The following OR1D2 variants were observed in gnomAD, a reference collection of about 807,000 sequenced individuals.
The protein encoded by OR1D2 is olfactory receptor family 1 subfamily D member 2.
For missense variants in OR1D2, 357 were observed against 376.1 expected (o/e 0.95, Z 0.42); for synonymous variants, 157 against 153.9 (o/e 1.02, Z -0.15).
chr17:3,093,248 G>A (rs115069030), intron 1 of OR1D2, among the ~76,000 whole-genome samples: 2,243 of 152,248 alleles, frequency 0.015, 55 homozygotes, highest in African/African-American at 0.051. Flanking sequence ...TTTCAATCCT[G>A]TCATCTTACA....
intron 1 of OR1D2, among the ~76,000 whole-genome samples, chr17:3,097,789 GA>G (rs527942473): frequency 1.4e-4 from 22 of 152,308 alleles, no homozygotes; most frequent in Admixed American, 1.4e-3. Context: ...CTGGGTGGGG[GA>G]AGGGCGGCAG....
intron 1 of OR1D2, 39 bp from the exon 2 acceptor site, chr17:3,093,085 A>T (rs1302564443): frequency 2.0e-5 from 25 of 1,222,448 alleles, no homozygotes; most frequent in Non-Finnish European, 2.9e-5. Flanking sequence ...CAAAATCAAC[A>T]TTTTCTTAGA....
At chr17:3,093,769 G>T (rs1424838479) in intron 1 of OR1D2, among the ~76,000 whole-genome samples, 1 of 152,148 alleles carries the variant, frequency 6.6e-6, no homozygotes, top group African/African-American at 2.4e-5. Flanking sequence ...ATGTTAACAA[G>T]AATCAGGCGA....
At chr17:3,102,853 C>G (rs1017708570) in intron 1 of OR1D2, among the ~76,000 whole-genome samples, 1 of 152,168 alleles carries the variant, frequency 6.6e-6, no homozygotes, top group Non-Finnish European at 1.5e-5. Context: ...CCACCCCTTT[C>G]TAGTAGGGAA....
At chr17:3,093,611 G>C (rs1483510344) in intron 1 of OR1D2, among the ~76,000 whole-genome samples, 1 of 152,138 alleles carries the variant, frequency 6.6e-6, no homozygotes, top group African/African-American at 2.4e-5. Context: ...GGAAAATTAA[G>C]TAGTAAAGTG....
rs956268199 is a variant in OR1D2 at position 3,091,243 on chromosome 17, C to G, written c.*815G>C. On this transcript the variant is annotated 3_prime_UTR_variant, in exon 2 of 2. Coordinates refer to ENST00000641833, the MANE Select transcript of OR1D2 (RefSeq NM_002548.3). ...CGATTCCACCATCTTGTTGACATCA[C>G]TCCTTTCACCCGTTTTGAAATATCT... is the stretch of plus-strand genomic sequence containing the variant. 4 of 152,174 alleles carry G rather than the reference C, an allele frequency of 2.6e-5. No individual in the cohort carries two copies. The highest frequency in any genetic ancestry group is 9.7e-5 in the African/African-American group (4 of 41,434). The allele number at this position is 152,174 out of a possible 1,614,324, so 9.4% of individuals were successfully genotyped here.
rs2151706731 is a variant in OR1D2 at position 3,092,417 on chromosome 17, T to C, written c.580A>G (p.Ile194Val). 1 of 1,614,186 alleles carries C rather than the reference T, an allele frequency of 6.2e-7. No individual in the cohort carries two copies. Among genetic ancestry groups the C allele is most frequent in the Non-Finnish European group, 8.5e-7 (1 of 1,180,028 alleles). Reference sequence around the variant, plus strand: ...GTGGCAATCAGCACTGTGTGATTAATCTGAATGTTGGAACATGCCATCCTC... The same window carrying C: ...GTGGCAATCAGCACTGTGTGATTAACCTGAATGTTGGAACATGCCATCCTC... ...LLRMACSNIQ[I>V]NHTVLIATGC... The change falls in exon 2 of 2, where the codon ATT (isoleucine) becomes GTT (valine). Residue 194 changes from isoleucine (I) to valine (V), a missense_variant. Coordinates refer to ENST00000641833, the MANE Select transcript of OR1D2 (RefSeq NM_002548.3).
chr17:3,100,402 G>A (rs1395381831), intron 1 of OR1D2, among the ~76,000 whole-genome samples: 1 of 152,148 alleles, frequency 6.6e-6, no homozygotes, highest in African/African-American at 2.4e-5. Context: ...CATGGAAATT[G>A]AACAACCTAC....
Position 3,089,771 on chromosome 17 carries a change from G to T in OR1D2, c.*2287C>A, listed in dbSNP as rs886439282. 2 of 152,286 alleles carry T rather than the reference G, an allele frequency of 1.3e-5. No individual in the cohort carries two copies. The highest frequency in any genetic ancestry group is 4.8e-5 in the African/African-American group (2 of 41,450). 9.4% of individuals were successfully genotyped at this position (152,286 alleles called of 1,614,324 possible). ...AGGCCAATGAAGTTATGTTCCCATG[G>T]GGATTATGGCTGCCTCTGCTGTGTC... is the stretch of plus-strand genomic sequence containing the variant. On this transcript the variant is annotated 3_prime_UTR_variant, in exon 2 of 2. Coordinates refer to ENST00000641833, the MANE Select transcript of OR1D2 (RefSeq NM_002548.3).
chr17:3,099,134 A>AC (rs199988333), intron 1 of OR1D2, among the ~76,000 whole-genome samples: 14,297 of 152,190 alleles, frequency 0.094, 930 homozygotes, highest in Admixed American at 0.17. Flanking sequence ...AACTTCCCCA[A>AC]CTAGCAAGAC....
At chr17:3,101,343 C>T (rs2047874127) in intron 1 of OR1D2, among the ~76,000 whole-genome samples, 1 of 152,198 alleles carries the variant, frequency 6.6e-6, no homozygotes, top group Admixed American at 6.5e-5. Flanking sequence ...TTGGCTTCAT[C>T]CCTGGGATGC....
chr17:3,090,047 A>G lies in OR1D2; in HGVS notation c.*2011T>C. ...CTGCTGTGAATAGCCATTTTTAGAAAAATAAGTTTTCTGCCTCCTTTTCTT... is the reference window on the plus strand; with the variant it reads ...CTGCTGTGAATAGCCATTTTTAGAAGAATAAGTTTTCTGCCTCCTTTTCTT... On this transcript the variant is annotated 3_prime_UTR_variant, in exon 2 of 2. Coordinates refer to ENST00000641833, the MANE Select transcript of OR1D2 (RefSeq NM_002548.3). 6.6e-6 allele frequency: 1 copy of G among 152,176 alleles called. No homozygotes were observed. The highest frequency in any genetic ancestry group is 1.9e-4 in the East Asian group (1 of 5,200). 9.4% of individuals were successfully genotyped at this position (152,176 alleles called of 1,614,324 possible). A position where few individuals can be genotyped will look rare whatever the true frequency, so the allele number is the denominator to read the frequency against.
In OR1D2 at chr17:3,091,783, G is replaced by A; in HGVS notation, c.*275C>T. On this transcript the variant is annotated 3_prime_UTR_variant, in exon 2 of 2. Coordinates refer to ENST00000641833, the MANE Select transcript of OR1D2 (RefSeq NM_002548.3). ...GTTTAAACTGGATATAGTCAGATAA[G>A]GCCAAGAATGTGGCCCTGTAGTCAA... is the stretch of plus-strand genomic sequence containing the variant. The A allele has an allele frequency of 5.9e-6, 2 of 341,658 alleles. No individual in the cohort carries two copies. The highest frequency in any genetic ancestry group is 1.1e-5 in the Non-Finnish European group (2 of 186,186). The allele number at this position is 341,658 out of a possible 1,614,324, so 21.2% of individuals were successfully genotyped here. A position where few individuals can be genotyped will look rare whatever the true frequency, so the allele number is the denominator to read the frequency against.
rs1167813189 is a variant in OR1D2 at position 3,088,860 on chromosome 17, G to C, written c.*3198C>G. ...CTTTGGAGGCAGAAATTGGGCATAA[G>C]ACAATATGAGGGGTGGTCTCCACCC... On this transcript the variant is annotated 3_prime_UTR_variant, in exon 2 of 2. Transcript: ENST00000641833. The C allele has an allele frequency of 1.3e-5, 2 of 151,386 alleles. No homozygotes were observed. The allele number at this position is 151,386 out of a possible 1,614,324, so 9.4% of individuals were successfully genotyped here.
intron 1 of OR1D2, among the ~76,000 whole-genome samples, chr17:3,093,784 T>G (rs183983823): frequency 3.9e-4 from 60 of 152,274 alleles, no homozygotes; most frequent in Middle Eastern, 6.8e-3. Flanking sequence ...AGGCGAAACC[T>G]TCAAATTCTC....
At position 3,091,971 on chromosome 17, in the gene OR1D2, A is replaced by C; in HGVS notation, c.*87T>G. The C allele has an allele frequency of 1.0e-6, 1 of 970,050 alleles. No individual in the cohort carries two copies. The highest frequency in any genetic ancestry group is 1.6e-6 in the Non-Finnish European group (1 of 636,632). The allele number at this position is 970,050 out of a possible 1,614,324, so 60.1% of individuals were successfully genotyped here. On this transcript the variant is annotated 3_prime_UTR_variant, in exon 2 of 2. Transcript: ENST00000641833. ...TCTGAGCTGGAGCCATGTCCCAATC[A>C]CTGCTGTATAACACACAGGACAATC...
intron 1 of OR1D2, among the ~76,000 whole-genome samples, chr17:3,095,231 A>G (rs1318048581): frequency 6.6e-6 from 1 of 152,144 alleles, no homozygotes; most frequent in Non-Finnish European, 1.5e-5. Context: ...GCTGAAAGGC[A>G]GAGACAAGGA....
In OR1D2 at chr17:3,090,310, G is replaced by A. The variant is rs1244848234; in HGVS notation, c.*1748C>T. ...TCCAGAATTACTGTTTCTTTTTTGT[G>A]GTTTCTGTTTGTTGAAATTTACATT... On this transcript the variant is annotated 3_prime_UTR_variant, in exon 2 of 2. Coordinates refer to ENST00000641833, the MANE Select transcript of OR1D2 (RefSeq NM_002548.3). 2 of 151,950 alleles carry A rather than the reference G, an allele frequency of 1.3e-5. No individual in the cohort carries two copies. Among genetic ancestry groups the A allele is most frequent in the Non-Finnish European group, 2.9e-5 (2 of 67,982 alleles). 9.4% of individuals were successfully genotyped at this position (151,950 alleles called of 1,614,324 possible). A position where few individuals can be genotyped will look rare whatever the true frequency, so the allele number is the denominator to read the frequency against.
At chr17:3,094,453 G>A (rs1441422356) in intron 1 of OR1D2, among the ~76,000 whole-genome samples, 1 of 152,128 alleles carries the variant, frequency 6.6e-6, no homozygotes, top group East Asian at 1.9e-4. Flanking sequence ...TGCGGTCAGG[G>A]AAAGAGTAAG....
Sources: allele counts gnomAD v4.1 joint callset (sites outside exome capture counted in the v4.1 genomes callset), GRCh38; gene constraint gnomAD v4.1.1; transcripts MANE v1.5; gene names NCBI Gene and HGNC (gene_info 2026-07-23, HGNC 2026-07-21).